Variants in ADCY9 observed in about 807,000 individuals in gnomAD.
ADCY9 encodes adenylate cyclase type 9.
Under a neutral mutation model 101.5 loss-of-function variants are expected in ADCY9, and 50 were observed. The ratio of observed to expected loss-of-function variants is 0.49; its 90% CI spans 0.39 to 0.62. ADCY9 has a LOEUF of 0.62. ADCY9 is among the 20% of genes least tolerant of loss of function. The pLI is 0.00. For missense variants in ADCY9, 1,662 were observed against 1,800.4 expected (o/e 0.92, Z 1.39); for synonymous variants, 905 against 769.3 (o/e 1.18, Z -2.92).
Position 3,965,567 on chromosome 16 carries a change from CG to C in ADCY9, c.*207del. ...TGCTGAACGGATGACCCAGAGGCAG[CG>C]GGGTTTCCAGGGAAGGGAGCGAAAG... On this transcript the variant is annotated 3_prime_UTR_variant, in exon 11 of 11. Transcript: ENST00000294016. 2 of 601,816 alleles carry C rather than the reference CG, an allele frequency of 3.3e-6. No individual in the cohort carries two copies. The highest frequency in any genetic ancestry group is 5.8e-6 in the Non-Finnish European group (2 of 342,936). 37.3% of individuals were successfully genotyped at this position (601,816 alleles called of 1,614,324 possible).
At chr16:3,954,563 T>G (rs915655674) in intron 5 of ADCY9, among the ~76,000 whole-genome samples, 1 of 152,048 alleles carries the variant, frequency 6.6e-6, no homozygotes, top group Non-Finnish European at 1.5e-5. Context: ...TGTCTCCCTC[T>G]GGGCCAGTGA....
Position 3,985,224 on chromosome 16 carries a change from C to T in ADCY9, c.2311-1784G>A, listed in dbSNP as rs974538873. 2.7e-5 allele frequency among the ~76,000 whole-genome samples: 4 copies of T among 150,694 alleles called. No homozygotes were observed. In the South Asian group the frequency reaches 8.3e-4, roughly 31 times the overall value. ...GCGCGATCTTGGCTCACTGCAACCT[C>T]CGCCTCCCAGGTTCAAGCAATTCTC... On this transcript the variant is annotated intron_variant, in intron 6 of 10. Coordinates refer to ENST00000294016, the MANE Select transcript of ADCY9 (RefSeq NM_001116.4).
At chr16:3,996,795 C>A (rs2056290044) in intron 3 of ADCY9, among the ~76,000 whole-genome samples, 2 of 152,224 alleles carry the variant, frequency 1.3e-5, no homozygotes. Flanking sequence ...TCACAGGAAT[C>A]TCCTGGCGTC....
chr16:4,100,352 T>C (rs994854888), intron 2 of ADCY9, among the ~76,000 whole-genome samples: 1 of 152,052 alleles, frequency 6.6e-6, no homozygotes, highest in Non-Finnish European at 1.5e-5. Flanking sequence ...GTTTCTGAGA[T>C]GGGGTCTCAC....
intron 2 of ADCY9, among the ~76,000 whole-genome samples, chr16:4,014,232 T>G (rs978770300): frequency 6.6e-6 from 1 of 151,358 alleles, no homozygotes; most frequent in Non-Finnish European, 1.5e-5. Flanking sequence ...GGCAGGAGAA[T>G]TGCTTGAACC....
intron 8 of ADCY9, 36 bp from the exon 9 acceptor site, chr16:3,977,666 G>A (rs374307728): frequency 8.8e-6 from 14 of 1,585,988 alleles, no homozygotes; most frequent in East Asian, 4.5e-5. Flanking sequence ...GCCGCCCAGG[G>A]CCACCCCGCC....
intron 2 of ADCY9, among the ~76,000 whole-genome samples, chr16:4,110,056 C>G (rs1427878820): frequency 6.6e-6 from 1 of 152,208 alleles, no homozygotes; most frequent in Non-Finnish European, 1.5e-5. Flanking sequence ...AGCCTGATCT[C>G]AGGACCCAGC....
chr16:4,103,957 G>A (rs756107878), intron 2 of ADCY9, among the ~76,000 whole-genome samples: 3 of 152,188 alleles, frequency 2.0e-5, no homozygotes, highest in Non-Finnish European at 4.4e-5. Context: ...GCACGCCTAC[G>A]ACGACGCTGC....
chr16:4,088,285 T>G (rs1405389427), intron 2 of ADCY9, among the ~76,000 whole-genome samples: 1 of 151,952 alleles, frequency 6.6e-6, no homozygotes, highest in Non-Finnish European at 1.5e-5. Context: ...GAAATGAAGA[T>G]TCTGGTTTGT....
At chr16:4,025,943 A>C (rs2056512026) in intron 2 of ADCY9, among the ~76,000 whole-genome samples, 1 of 152,214 alleles carries the variant, frequency 6.6e-6, no homozygotes, top group Admixed American at 6.5e-5. Context: ...TCCAGATGAC[A>C]GTGCTACCAG....
intron 2 of ADCY9, among the ~76,000 whole-genome samples, chr16:4,101,322 C>T (rs1400674475): frequency 1.4e-5 from 2 of 148,140 alleles, no homozygotes; most frequent in Non-Finnish European, 3.0e-5. Context: ...GCTCTGTCAC[C>T]CAGGCTGAGT....
chr16:4,095,064 G>A (rs552505662), intron 2 of ADCY9, among the ~76,000 whole-genome samples: 2 of 145,216 alleles, frequency 1.4e-5, no homozygotes, highest in East Asian at 4.0e-4. Context: ...GTGCAATGGC[G>A]CAATCTCAGC....
chr16:4,013,153 T>C (rs982696461), intron 2 of ADCY9, among the ~76,000 whole-genome samples: 4 of 150,978 alleles, frequency 2.6e-5, no homozygotes, highest in African/African-American at 7.3e-5. Flanking sequence ...GAGGCTAAGA[T>C]GGGAGGATCA....
chr16:3,995,184 T>G (rs2056277199), intron 3 of ADCY9, among the ~76,000 whole-genome samples: 1 of 152,114 alleles, frequency 6.6e-6, no homozygotes, highest in African/African-American at 2.4e-5. Context: ...TCCCAGCACT[T>G]TGGGAAGCTG....
At chr16:3,986,287 G>A (rs556222076) in intron 6 of ADCY9, among the ~76,000 whole-genome samples, 3 of 152,216 alleles carry the variant, frequency 2.0e-5, no homozygotes, top group East Asian at 3.9e-4. Flanking sequence ...CCCCAAACGC[G>A]GGCCAGCTGG....
intron 2 of ADCY9, among the ~76,000 whole-genome samples, chr16:4,058,059 C>T (rs926616325): frequency 4.0e-5 from 6 of 149,742 alleles, no homozygotes; most frequent in African/African-American, 9.9e-5. Flanking sequence ...CTTGGGAGGT[C>T]GAGGCAGAAG....
At chr16:4,092,674 A>T (rs1020621547) in intron 2 of ADCY9, among the ~76,000 whole-genome samples, 1 of 152,360 alleles carries the variant, frequency 6.6e-6, no homozygotes, top group Admixed American at 6.5e-5. Context: ...TACACTAAAA[A>T]TAACTGTAAT....
At chr16:3,984,064 C>G (rs528457344) in intron 6 of ADCY9, 2 of 152,112 alleles carry the variant, frequency 1.3e-5, no homozygotes, top group Non-Finnish European at 1.5e-5. Context: ...AGAATTATAC[C>G]GTTTCCGAAA....
intron 2 of ADCY9, among the ~76,000 whole-genome samples, chr16:4,019,773 G>A (rs978708818): frequency 2.6e-5 from 4 of 152,190 alleles, no homozygotes; most frequent in Non-Finnish European, 4.4e-5. Context: ...AGACAGCTGA[G>A]TACTTAGAGA....
Sources: allele counts gnomAD v4.1 joint callset (sites outside exome capture counted in the v4.1 genomes callset), GRCh38; gene constraint gnomAD v4.1.1; transcripts MANE v1.5; gene names NCBI Gene and HGNC (gene_info 2026-07-23, HGNC 2026-07-21).